KCTD19: variants seen among roughly 807,000 people sequenced by gnomAD.
KCTD19 encodes potassium channel tetramerization domain containing 19, also known as BTB/POZ domain-containing protein KCTD19.
KCTD19 carries 67 observed loss-of-function variants against 103.5 expected under a neutral mutation model. The ratio of observed to expected loss-of-function variants is 0.65; its 90% confidence interval spans 0.53 to 0.79. KCTD19 has a LOEUF of 0.79. KCTD19 is among the 30% of genes least tolerant of loss of function. The pLI is 0.00. For missense variants in KCTD19, 980 were observed against 1,136.1 expected (o/e 0.86, Z 1.98); for synonymous variants, 439 against 452.2 (o/e 0.97, Z 0.37).
intron 7 of KCTD19, among the ~76,000 whole-genome samples, chr16:67,296,696 C>T (rs1336772120): frequency 6.6e-6 from 1 of 152,174 alleles, no homozygotes; most frequent in Non-Finnish European, 1.5e-5. Flanking sequence ...TGAGACTAAG[C>T]CTCTAGGCAT....
rs879395557 is a variant in KCTD19, at chr16:67,293,197, G to A, written c.2218+347C>T. Among the ~76,000 whole-genome samples the A allele has an allele frequency of 2.0e-5, 3 of 152,178 alleles. No individual in the cohort carries two copies. The highest frequency in any genetic ancestry group is 4.4e-5 in the Non-Finnish European group (3 of 68,042). On this transcript the variant is annotated intron_variant, in intron 12 of 15. Transcript: ENST00000304372. The surrounding 1 kb of genome is among the most constrained non-coding windows in gnomAD (Gnocchi z 4.0). ...TTCAGCCTCATCTTTTATCACGTCT[G>A]CATGTGAAGCCTGGCCTCCAGCTAG...
At chr16:67,290,066 G>A (rs553004372) in intron 15 of KCTD19, among the ~76,000 whole-genome samples, 15 of 151,290 alleles carry the variant, frequency 9.9e-5, no homozygotes, top group African/African-American at 3.2e-4. Flanking sequence ...ATGAGAAACT[G>A]CCTAAATCGT....
chr16:67,308,158 CTTCT>C (rs1391603124), intron 2 of KCTD19, among the ~76,000 whole-genome samples: 1 of 149,512 alleles, frequency 6.7e-6, no homozygotes, highest in African/African-American at 2.5e-5. Flanking sequence ...TCCTTCCTTC[CTTCT>C]TTCTTTTCTT....
chr16:67,320,923 A>G lies in KCTD19; in HGVS notation c.4-38T>C. On this transcript the variant is annotated intron_variant, in intron 1 of 15. Transcript: ENST00000304372. This position sits in a 1 kb window ranked among gnomAD's most constrained non-coding sequence, Gnocchi z 4.0. ...TGAAAAAGAGATCTACGCAAGAAAAAGAAATAAAAAGGCATCCAGATTGAA... is the reference window on the plus strand; with the variant it reads ...TGAAAAAGAGATCTACGCAAGAAAAGGAAATAAAAAGGCATCCAGATTGAA... 6.5e-7 allele frequency: 1 copy of G among 1,530,068 alleles called. No individual in the cohort carries two copies. The highest frequency in any genetic ancestry group is 8.8e-7 in the Non-Finnish European group (1 of 1,132,488). The allele number at this position is 1,530,068 out of a possible 1,614,324, so 94.8% of individuals were successfully genotyped here.
Position 67,290,921 on chromosome 16 carries a change from G to T in KCTD19, c.2631C>A (p.Asp877Glu). 1 of 1,614,032 alleles carries T rather than the reference G, an allele frequency of 6.2e-7. No individual in the cohort carries two copies. The highest frequency in any genetic ancestry group is 8.5e-7 in the Non-Finnish European group (1 of 1,180,000). The change falls in exon 15 of 16, where the codon GAC (aspartate) becomes GAA (glutamate). Residue 877 changes from aspartate to glutamate, a missense_variant. Transcript: ENST00000304372. ...TGTACAGGCGCTCCTGGGTGTGCCG[G>T]TCATCCTTGAAGCCGGTGATGGCCA... ...DLLAITGFKDDRHTQERLYSW... is the reference protein window; with the variant it reads ...DLLAITGFKDERHTQERLYSW...
chr16:67,299,173 C>T (rs1452619156), intron 6 of KCTD19, among the ~76,000 whole-genome samples, 190 bp downstream of exon 6: 1 of 152,284 alleles, frequency 6.6e-6, no homozygotes, highest in East Asian at 1.9e-4. Context: ...TACCTTGGCA[C>T]TAGCCCTCTC....
At position 67,301,802 on chromosome 16, in the gene KCTD19, C is replaced by T. The variant is rs764929804; in HGVS notation, c.764G>A (p.Arg255Gln). ...TCCTGGCGACATACCCATGTTCATC[C>T]GGTACCACCTTACGGCTTCAGTGAG... ...PALTEAVRWYRMNMGGCSPTT... is the reference protein window; with the variant it reads ...PALTEAVRWYQMNMGGCSPTT... The change falls in exon 5 of 16, where the codon CGG becomes CAG. Residue 255 changes from arginine (R) to glutamine (Q), a missense_variant. Coordinates refer to ENST00000304372, the MANE Select transcript of KCTD19 (RefSeq NM_001100915.3). 9.9e-6 allele frequency: 16 copies of T among 1,613,854 alleles called. No homozygotes were observed. The highest frequency in any genetic ancestry group is 2.7e-5 in the African/African-American group (2 of 74,912).
At chr16:67,307,150 C>T (rs1002529795) in intron 2 of KCTD19, among the ~76,000 whole-genome samples, 7 of 151,762 alleles carry the variant, frequency 4.6e-5, no homozygotes, top group East Asian at 1.9e-4. Flanking sequence ...ATATCCATCA[C>T]GTCATTTTTT....
chr16:67,294,983 C>T lies in KCTD19; in HGVS notation c.1465G>A (p.Glu489Lys). 1.2e-6 allele frequency: 2 copies of T among 1,612,690 alleles called. No homozygotes were observed. Among genetic ancestry groups the T allele is most frequent in the East Asian group, 2.2e-5 (1 of 44,868 alleles). Residue 489 changes from glutamate (E) to lysine (K), a missense_variant, in exon 10 of 16, where the codon GAA becomes AAA. Physicochemically the swap from Glu to Lys is moderately conservative, Grantham distance 56. Transcript: ENST00000304372. ...PSLSEALAQC[E>K]AYKSWTQEKE... ...ATAAAGTTTTCTTACTTGTATGCTT[C>T]ACATTGTGCAAGGGCTTCTGAGAGG...
chr16:67,316,271 C>T (rs1214406436), intron 2 of KCTD19, among the ~76,000 whole-genome samples: 1 of 151,940 alleles, frequency 6.6e-6, no homozygotes, highest in Non-Finnish European at 1.5e-5. Context: ...TTGTCCTGGG[C>T]TCAAGAATCC....
In KCTD19 at chr16:67,299,398, G is replaced by A. The variant is rs202075911; in HGVS notation, c.951C>T (p.Tyr317=). 2 of 1,614,272 alleles carry A rather than the reference G, an allele frequency of 1.2e-6. No individual in the cohort carries two copies. The highest frequency in any genetic ancestry group is 3.3e-5 in the Admixed American group (2 of 60,032). ...IESTLDGSRL[Y]ITGNGVLFQH... ...GAAAGAGGACGCCATTCCCTGTGAT[G>A]TACAGTCGGCTTCCGTCTAGCGTGC... Residue 317 remains tyrosine, a synonymous_variant, in exon 6 of 16, where the codon TAC becomes TAT. Coordinates refer to ENST00000304372, the MANE Select transcript of KCTD19 (RefSeq NM_001100915.3).
intron 2 of KCTD19, chr16:67,305,750 C>T (rs1350875688): frequency 2.9e-6 from 1 of 342,512 alleles, no homozygotes; most frequent in Non-Finnish European, 5.9e-6. Flanking sequence ...GCACCAGATC[C>T]TCAAAATGGA....
At position 67,293,983 on chromosome 16, in the gene KCTD19, G is replaced by A. The variant is rs1212644024; in HGVS notation, c.1779C>T (p.Gly593=). 6.2e-7 allele frequency: 1 copy of A among 1,614,168 alleles called. No homozygotes were observed. ...CCCAGTGTCCAGGATTGGTACACAA[G>A]CCACGGCAGTGTGAGTATGTGCTAG... is the stretch of plus-strand genomic sequence containing the variant. ...GNPSTYSHCR[G]LCTNPGHWGS... is the part of the protein sequence containing the mutation. Residue 593 remains glycine, a synonymous_variant, in exon 12 of 16, where the codon GGC becomes GGT. Coordinates refer to ENST00000304372, the MANE Select transcript of KCTD19 (RefSeq NM_001100915.3). The surrounding 1 kb of genome is among the most constrained non-coding windows in gnomAD (Gnocchi z 4.0).
chr16:67,305,432 G>A (rs1451596849), intron 2 of KCTD19: 2 of 293,564 alleles, frequency 6.8e-6, no homozygotes, highest in Admixed American at 4.8e-5. Context: ...TGAGGCAGCT[G>A]AGGTCAAAGG....
chr16:67,299,774 T>C (rs1261569768), intron 5 of KCTD19: 3 of 563,982 alleles, frequency 5.3e-6, no homozygotes, highest in Admixed American at 3.4e-5. Context: ...TCATAACTAT[T>C]TGTTGGGAGG....
chr16:67,301,675 C>A, intron 5 of KCTD19, 116 bp downstream of exon 5: 1 of 961,362 alleles, frequency 1.0e-6, no homozygotes, highest in Non-Finnish European at 1.6e-6. Context: ...CCAGAAAACC[C>A]AATCCTCTCA....
intron 2 of KCTD19, among the ~76,000 whole-genome samples, chr16:67,313,534 C>T (rs2036970675): frequency 6.6e-6 from 1 of 152,274 alleles, no homozygotes; most frequent in African/African-American, 2.4e-5. Context: ...GGCTGAATTT[C>T]GTCCATGGGC....
Position 67,297,649 on chromosome 16 carries a change from G to C in KCTD19, c.1001C>G (p.Thr334Ser). ...GGTCTCTGTCAGGGGCAGCCGGCAAGTCCCCAGCCAGTTCCTGCCCAGAGG... is the reference window on the plus strand; with the variant it reads ...GGTCTCTGTCAGGGGCAGCCGGCAACTCCCCAGCCAGTTCCTGCCCAGAGG... Reference protein sequence around the residue: ...LFQHVKNWLGTCRLPLTETIS... With the variant: ...LFQHVKNWLGSCRLPLTETIS... Residue 334 changes from threonine to serine, a missense_variant, in exon 7 of 16, where the codon ACT (threonine) becomes AGT (serine). Physicochemically the swap from Thr to Ser is moderately conservative, Grantham distance 58. Transcript: ENST00000304372. 1.9e-6 allele frequency: 3 copies of C among 1,613,814 alleles called. No individual in the cohort carries two copies. Among genetic ancestry groups the C allele is most frequent in the Non-Finnish European group, 2.5e-6 (3 of 1,179,990 alleles).
Position 67,293,574 on chromosome 16 carries a change from C to T in KCTD19, c.2188G>A (p.Asp730Asn), listed in dbSNP as rs760662492. 12 of 1,614,000 alleles carry T rather than the reference C, an allele frequency of 7.4e-6. No homozygotes were observed. The Admixed American group carries it at 1.7e-4, about 22-fold the overall frequency. ...LPPKRAGTLK[D>N]WSKQRTKERE... ...TCCTTGGTCCTCTGCTTGCTCCAGT[C>T]CTTCAGGGTGCCAGCTCTTTTTGGG... The change falls in exon 12 of 16, where the codon GAC (aspartate) becomes AAC (asparagine). Residue 730 changes from aspartate (D) to asparagine (N), a missense_variant. Coordinates refer to ENST00000304372, the MANE Select transcript of KCTD19 (RefSeq NM_001100915.3). The surrounding 1 kb of genome is among the most constrained non-coding windows in gnomAD (Gnocchi z 4.0).
Sources: gnomAD v4.1 joint callset for allele counts (sites outside exome capture counted in the v4.1 genomes callset) on GRCh38, gnomAD v4.1.1 for gene constraint, Gnocchi (gnomAD v3.1) non-coding constraint, MANE v1.5 for transcripts, NCBI Gene and HGNC (gene_info 2026-07-23, HGNC 2026-07-21) for gene names.